GABRG1: variants seen among roughly 807,000 people sequenced by gnomAD.
GABRG1 encodes the protein gamma-aminobutyric acid receptor subunit gamma-1.
A neutral mutation model predicts 49.8 loss-of-function variants in GABRG1; 49 were observed. The observed-to-expected ratio is 0.98, with a 90% CI of 0.78 to 1.25. The LOEUF is 1.25. Among genes scored for constraint, GABRG1 ranks in the 50% most tolerant of loss-of-function variants. The pLI is 0.00. For missense variants in GABRG1, 552 were observed against 552.3 expected, an observed-to-expected ratio of 1.00 and a Z score of 0.01; for synonymous variants, 232 against 185.1, an observed-to-expected ratio of 1.25 and a Z score of -2.06.
Position 46,098,395 on chromosome 4 carries a change from A to G in GABRG1, c.105-1046T>C, listed in dbSNP as rs557673715. 8.8e-4 allele frequency among the ~76,000 whole-genome samples: 133 copies of G among 151,938 alleles called. 4 individuals carry two copies. In the South Asian group the frequency reaches 0.027, roughly 30 times the overall value. ...GGGGTCCAAAAAACTAAACACTAAC[A>G]TTGGTAAAATCAAGTAAATCTGTAA... is the stretch of plus-strand genomic sequence containing the variant. On this transcript the variant is annotated intron_variant, in intron 1 of 8. Coordinates refer to ENST00000295452, the MANE Select transcript of GABRG1 (RefSeq NM_173536.4).
In GABRG1 at chr4:46,038,159, A is replaced by T. The variant is rs1717604596; in HGVS notation, c.*2829T>A. 1 of 151,564 alleles carries T rather than the reference A, an allele frequency of 6.6e-6. No homozygotes were observed. The highest frequency in any genetic ancestry group is 2.1e-4 in the South Asian group (1 of 4,826). The allele number at this position is 151,564 out of a possible 1,614,324, so 9.4% of individuals were successfully genotyped here. The stretch of plus-strand genomic sequence containing the variant: ...ATCAAGACTTCAGACTTACTGGGAA[A>T]TTTTTCCCTGTCCCTGCTAAATTCT... On this transcript the variant is annotated 3_prime_UTR_variant, in exon 9 of 9. Coordinates refer to ENST00000295452, the MANE Select transcript of GABRG1 (RefSeq NM_173536.4).
chr4:46,059,412 A>T (rs1355628728), intron 5 of GABRG1, among the ~76,000 whole-genome samples: 1 of 150,670 alleles, frequency 6.6e-6, no homozygotes, highest in Non-Finnish European at 1.5e-5. Context: ...TTTTAGACGG[A>T]GTCTCACTCT....
chr4:46,119,297 T>C lies in GABRG1; in HGVS notation c.104+4513A>G, dbSNP rs1309733983. ...TCTCTTCTCCTCTTTTTTTCTCCAT[T>C]TCCTTTAAAAAATTTATCAACACTA... On this transcript the variant is annotated intron_variant, in intron 1 of 8. Transcript: ENST00000295452. Among the ~76,000 whole-genome samples, 3 of 151,448 alleles carry C rather than the reference T, an allele frequency of 2.0e-5. No individual in the cohort carries two copies. The South Asian group carries it at 6.2e-4, about 31-fold the overall frequency.
At chr4:46,081,845 A>T (rs1719586030) in intron 3 of GABRG1, among the ~76,000 whole-genome samples, 1 of 151,856 alleles carries the variant, frequency 6.6e-6, no homozygotes, top group Non-Finnish European at 1.5e-5. Flanking sequence ...TGGATACAAA[A>T]GGAGATATCA....
At chr4:46,119,776 T>C (rs895934392) in intron 1 of GABRG1, among the ~76,000 whole-genome samples, 3 of 151,508 alleles carry the variant, frequency 2.0e-5, no homozygotes, top group Non-Finnish European at 4.4e-5. Context: ...TTTTATTTAA[T>C]TAGTGTCATA....
Position 46,072,904 on chromosome 4 carries a change from C to T in GABRG1, c.322-7320G>A, listed in dbSNP as rs758046946. ...GCTGAGATTCAATACTGATTTAAAA[C>T]GGAGCAGTTCTTAGTAAAAATACTA... On this transcript the variant is annotated intron_variant, in intron 3 of 8. Coordinates refer to ENST00000295452, the MANE Select transcript of GABRG1 (RefSeq NM_173536.4). 8.6e-5 allele frequency among the ~76,000 whole-genome samples: 13 copies of T among 151,968 alleles called. No individual in the cohort carries two copies. In the South Asian group the frequency reaches 1.0e-3, roughly 12 times the overall value.
intron 4 of GABRG1, 31 bp downstream of exon 4, chr4:46,065,333 G>A: frequency 4.3e-6 from 6 of 1,382,346 alleles, no homozygotes; most frequent in Non-Finnish European, 6.1e-6. Flanking sequence ...AAATAAATGA[G>A]AGCAACTACA....
chr4:46,065,612 T>C (rs749303378), intron 3 of GABRG1, 28 bp from the exon 4 acceptor site: 23 of 976,446 alleles, frequency 2.4e-5, no homozygotes, highest in Non-Finnish European at 3.6e-5. Context: ...TAACAACATA[T>C]TAGTAAAGCT....
intron 8 of GABRG1, among the ~76,000 whole-genome samples, chr4:46,047,072 T>G (rs1423591036): frequency 6.6e-6 from 1 of 151,940 alleles, no homozygotes; most frequent in Non-Finnish European, 1.5e-5. Context: ...GATGACAATG[T>G]TCTACATCTA....
chr4:46,062,629 AT>A (rs1718743514), intron 5 of GABRG1, among the ~76,000 whole-genome samples: 1 of 152,162 alleles, frequency 6.6e-6, no homozygotes. Flanking sequence ...ATGGCCAGTG[AT>A]GGTGAGCATT....
intron 2 of GABRG1, among the ~76,000 whole-genome samples, chr4:46,092,849 G>C (rs1284729477): frequency 6.8e-6 from 1 of 148,056 alleles, no homozygotes; most frequent in Admixed American, 6.7e-5. Context: ...GTCACCTGAG[G>C]TCAGGAGTTT....
chr4:46,090,959 C>T (rs1029950712), intron 2 of GABRG1, among the ~76,000 whole-genome samples: 34 of 102,158 alleles, frequency 3.3e-4, no homozygotes, highest in East Asian at 6.9e-4. Context: ...CACACATACA[C>T]ACACACACAC....
chr4:46,090,989 C>CACAA (rs1719968187), intron 2 of GABRG1, among the ~76,000 whole-genome samples: 1 of 151,278 alleles, frequency 6.6e-6, no homozygotes, highest in Non-Finnish European at 1.5e-5. Context: ...CACACACACA[C>CACAA]ACACACGGAA....
chr4:46,112,473 C>A (rs1018155441), intron 1 of GABRG1, among the ~76,000 whole-genome samples: 3 of 151,464 alleles, frequency 2.0e-5, no homozygotes, highest in African/African-American at 4.8e-5. Context: ...ACCCAGCAAT[C>A]CCATTACTGG....
intron 3 of GABRG1, among the ~76,000 whole-genome samples, chr4:46,070,631 G>T (rs571891927): frequency 1.3e-4 from 20 of 152,018 alleles, no homozygotes; most frequent in Non-Finnish European, 2.5e-4. Flanking sequence ...CTGACTGATA[G>T]GTAGAGGGAT....
chr4:46,062,301 G>C (rs1718726734), intron 5 of GABRG1, among the ~76,000 whole-genome samples: 1 of 151,822 alleles, frequency 6.6e-6, no homozygotes, highest in Non-Finnish European at 1.5e-5. Context: ...TTGGTTCCAA[G>C]TCTTTGCTAT....
chr4:46,050,435 TTAAAAAGTTAGATAATATG>T (rs1428851552), intron 8 of GABRG1, among the ~76,000 whole-genome samples: 3 of 151,816 alleles, frequency 2.0e-5, no homozygotes, highest in Non-Finnish European at 2.9e-5. Context: ...CTCCTAGAAC[TTAAAAAGTTAGATAATATG>T]GAAAACTCAT....
intron 3 of GABRG1, among the ~76,000 whole-genome samples, chr4:46,066,918 G>A (rs957743641): frequency 1.3e-5 from 2 of 151,382 alleles, no homozygotes; most frequent in African/African-American, 4.9e-5. Context: ...ATGTATGTTT[G>A]CATGTGTATG....
chr4:46,110,490 C>A, intron 1 of GABRG1, among the ~76,000 whole-genome samples: 1 of 150,884 alleles, frequency 6.6e-6, no homozygotes, highest in African/African-American at 2.4e-5. Flanking sequence ...TTTAAGTCCT[C>A]TCTAACTAAT....
Sources: gnomAD v4.1 joint callset for allele counts (sites outside exome capture counted in the v4.1 genomes callset) on GRCh38, gnomAD v4.1.1 for gene constraint, MANE v1.5 for transcripts, NCBI Gene and HGNC (gene_info 2026-07-23, HGNC 2026-07-21) for gene names.